The following STPG2 variants were observed in gnomAD, a reference collection of about 807,000 sequenced individuals.
STPG2 encodes sperm-tail PG-rich repeat-containing protein 2.
Under a neutral mutation model 54.2 loss-of-function variants are expected in STPG2, and 56 were observed. The observed-to-expected ratio is 1.03, with a 90% CI of 0.83 to 1.29. The LOEUF (loss-of-function observed/expected upper bound fraction) is 1.29. STPG2 is among the 50% of genes most tolerant of loss of function. STPG2 has a pLI of 0.00. For synonymous variants in STPG2, 200 were observed against 181.8 expected, an observed-to-expected ratio of 1.10 and a Z score of -0.81; for missense variants, 596 against 544.9, an observed-to-expected ratio of 1.09 and a Z score of -0.93.
At chr4:98,026,565 G>A (rs961841092) in intron 5 of STPG2, among the ~76,000 whole-genome samples, 3 of 152,058 alleles carry the variant, frequency 2.0e-5, no homozygotes, top group Non-Finnish European at 2.9e-5. Flanking sequence ...TGACATGCTG[G>A]AGGCCCATTG....
rs531577057 is a variant in STPG2, at chr4:97,945,909, A to T, written c.934-1902T>A. Among the ~76,000 whole-genome samples the T allele has an allele frequency of 1.7e-3, 263 of 152,190 alleles. 2 individuals carry two copies. Among genetic ancestry groups the T allele is most frequent in the African/African-American group, 5.9e-3 (246 of 41,536 alleles). On this transcript the variant is annotated intron_variant, in intron 7 of 10. Transcript: ENST00000295268. ...CCCTATCTCTACAAAAAACACAAAAATTAGCTGAGTGTGGTGGCATATACC... is the reference window on the plus strand; with the variant it reads ...CCCTATCTCTACAAAAAACACAAAATTTAGCTGAGTGTGGTGGCATATACC...
At chr4:98,128,627 G>T in intron 2 of STPG2, 35 bp from the exon 3 acceptor site, 1 of 1,476,202 alleles carries the variant, frequency 6.8e-7, no homozygotes, top group South Asian at 1.5e-5. Context: ...TTTATTCCAA[G>T]GCAAGAGGAA....
intron 9 of STPG2, among the ~76,000 whole-genome samples, chr4:97,798,118 CT>C (rs1727262448): frequency 1.3e-5 from 2 of 152,136 alleles, no homozygotes; most frequent in African/African-American, 2.4e-5. Flanking sequence ...TTTTCTTGAT[CT>C]TTTCAAAAAA....
intron 6 of STPG2, among the ~76,000 whole-genome samples, chr4:97,978,008 ACTG>A (rs1171138691): frequency 3.9e-5 from 6 of 152,182 alleles, no homozygotes; most frequent in Non-Finnish European, 8.8e-5. Flanking sequence ...TACCTAATGA[ACTG>A]CTAGATTCTA....
intron 7 of STPG2, among the ~76,000 whole-genome samples, chr4:97,964,858 A>G (rs1179794455): frequency 1.3e-5 from 2 of 152,172 alleles, no homozygotes; most frequent in South Asian, 2.1e-4. Context: ...ACAGAATCCC[A>G]TATGTAGTGC....
intron 8 of STPG2, among the ~76,000 whole-genome samples, chr4:97,907,956 G>C (rs1467520174): frequency 4.6e-5 from 7 of 152,174 alleles, no homozygotes; most frequent in Non-Finnish European, 8.8e-5. Context: ...TCATAGGCTT[G>C]GGCAAGGTCT....
intron 7 of STPG2, 68 bp downstream of exon 7, chr4:97,972,212 A>C: frequency 9.4e-7 from 1 of 1,064,832 alleles, no homozygotes; most frequent in Non-Finnish European, 1.3e-6. Flanking sequence ...TATAACATGT[A>C]ATTTCAAGAG....
At chr4:97,601,082 T>C (rs1315312949) in intron 10 of STPG2, among the ~76,000 whole-genome samples, 1 of 152,014 alleles carries the variant, frequency 6.6e-6, no homozygotes, top group Non-Finnish European at 1.5e-5. Context: ...AAGACAAAAT[T>C]GACCTTAAGA....
intron 8 of STPG2, among the ~76,000 whole-genome samples, chr4:97,858,698 C>T (rs1352878274): frequency 6.6e-6 from 1 of 152,178 alleles, no homozygotes; most frequent in Non-Finnish European, 1.5e-5. Flanking sequence ...TGATCACCAA[C>T]TCCATCCAGG....
chr4:97,818,667 A>C (rs1288474996), intron 9 of STPG2, among the ~76,000 whole-genome samples: 3 of 151,852 alleles, frequency 2.0e-5, no homozygotes, highest in African/African-American at 7.2e-5. Flanking sequence ...CTTTAATTCT[A>C]TTATCCTAAT....
At chr4:97,950,490 T>G (rs1403853239) in intron 7 of STPG2, among the ~76,000 whole-genome samples, 1 of 152,232 alleles carries the variant, frequency 6.6e-6, no homozygotes, top group Non-Finnish European at 1.5e-5. Flanking sequence ...ATTCATATGC[T>G]GATTTTTTCA....
chr4:98,126,995 C>T (rs1474615841), intron 3 of STPG2, among the ~76,000 whole-genome samples: 1 of 151,834 alleles, frequency 6.6e-6, no homozygotes, highest in African/African-American at 2.4e-5. Context: ...ATCTAATATA[C>T]TCATACGGTT....
intron 5 of STPG2, among the ~76,000 whole-genome samples, chr4:98,084,554 T>C (rs1386614780): frequency 6.6e-6 from 1 of 152,198 alleles, no homozygotes; most frequent in Non-Finnish European, 1.5e-5. Context: ...AGAGTGAGTT[T>C]ATTATTTTAC....
At chr4:98,128,404 C>A in intron 3 of STPG2, 24 bp downstream of exon 3, 2 of 1,519,098 alleles carry the variant, frequency 1.3e-6, no homozygotes, top group South Asian at 1.3e-5. Context: ...TTCCAATTGT[C>A]AATATGAAAT....
intron 10 of STPG2, among the ~76,000 whole-genome samples, chr4:97,681,594 A>C (rs1723036588): frequency 6.6e-6 from 1 of 151,866 alleles, no homozygotes. Flanking sequence ...CCTTCTTGTC[A>C]ATTGGAACTA....
At chr4:98,002,446 G>A (rs1431221643) in intron 5 of STPG2, among the ~76,000 whole-genome samples, 3 of 151,902 alleles carry the variant, frequency 2.0e-5, no homozygotes, top group Admixed American at 1.3e-4. Flanking sequence ...AGAAGTATAC[G>A]GAGGATGGGC....
At chr4:97,524,408 A>C (rs1253373353) in intron 4 of STPG2, among the ~76,000 whole-genome samples, 2 of 151,952 alleles carry the variant, frequency 1.3e-5, no homozygotes, top group Non-Finnish European at 2.9e-5. Context: ...CTTGAAAGCA[A>C]ATTTAAAATA....
chr4:97,642,631 A>G (rs1721796520), intron 10 of STPG2, among the ~76,000 whole-genome samples: 1 of 151,506 alleles, frequency 6.6e-6, no homozygotes, highest in Non-Finnish European at 1.5e-5. Context: ...AGATCATGGT[A>G]AAATTTTAAG....
intron 5 of STPG2, among the ~76,000 whole-genome samples, chr4:97,987,569 TTCA>T (rs1191722859): frequency 2.0e-5 from 3 of 152,174 alleles, no homozygotes; most frequent in Non-Finnish European, 2.9e-5. Context: ...GTACTATTTT[TTCA>T]TCATCAAATA....
Sources: allele counts gnomAD v4.1 joint callset (sites outside exome capture counted in the v4.1 genomes callset), GRCh38; gene constraint gnomAD v4.1.1; transcripts MANE v1.5; gene names NCBI Gene and HGNC (gene_info 2026-07-23, HGNC 2026-07-21).